The following ATF6 variants were observed in gnomAD, a reference collection of about 807,000 sequenced individuals.
The protein encoded by ATF6 is cyclic AMP-dependent transcription factor ATF-6 alpha.
In ATF6, 53 loss-of-function variants were observed where a neutral mutation model predicts 83.6. The observed-to-expected ratio is 0.63, with a 90% CI of 0.51 to 0.80. The LOEUF (loss-of-function observed/expected upper bound fraction) is 0.80. ATF6 is among the 30% of genes least tolerant of loss of function. The pLI, the probability that ATF6 is intolerant of heterozygous loss-of-function variation, is 0.00. For missense variants in ATF6, 744 were observed against 797.9 expected (o/e 0.93, Z 0.81); for synonymous variants, 288 against 285.8 (o/e 1.01, Z -0.08).
At chr1:161,941,658 A>G (rs1165280812) in intron 15 of ATF6, among the ~76,000 whole-genome samples, 1 of 152,212 alleles carries the variant, frequency 6.6e-6, no homozygotes, top group Non-Finnish European at 1.5e-5. Flanking sequence ...AAAAGCCCCA[A>G]GGTTTTTATT....
chr1:161,940,946 G>A (rs1376459824), intron 15 of ATF6, among the ~76,000 whole-genome samples: 8 of 152,098 alleles, frequency 5.3e-5, no homozygotes, highest in Admixed American at 3.9e-4. Context: ...ATGCATACCC[G>A]TATCACACCT....
Position 161,851,660 on chromosome 1 carries a change from T to C in ATF6, c.1320-62T>C. 3.5e-6 allele frequency: 4 copies of C among 1,151,682 alleles called. No homozygotes were observed. In the South Asian group the frequency reaches 5.4e-5, roughly 16 times the overall value. The allele number at this position is 1,151,682 out of a possible 1,614,324, so 71.3% of individuals were successfully genotyped here. A position where few individuals can be genotyped will look rare whatever the true frequency, so the allele number is the denominator to read the frequency against. ...AAGTTAACACTAATGATGATTTTCTTATAGCAAACTTCTTAGGAATTTAAG... is the reference window on the plus strand; with the variant it reads ...AAGTTAACACTAATGATGATTTTCTCATAGCAAACTTCTTAGGAATTTAAG... On this transcript the variant is annotated intron_variant, in intron 10 of 15. Transcript: ENST00000367942.
intron 14 of ATF6, among the ~76,000 whole-genome samples, chr1:161,880,311 T>G (rs559824974): frequency 6.6e-6 from 1 of 151,102 alleles, no homozygotes; most frequent in South Asian, 2.1e-4. Context: ...TAACACCACA[T>G]TTTATGTGTG....
intron 6 of ATF6, among the ~76,000 whole-genome samples, chr1:161,793,126 C>T (rs1031216306): frequency 6.6e-6 from 1 of 152,162 alleles, no homozygotes; most frequent in African/African-American, 2.4e-5. Flanking sequence ...TACATTTGTA[C>T]TGTATCTCCA....
At chr1:161,805,286 G>T (rs1685251840) in intron 7 of ATF6, among the ~76,000 whole-genome samples, 1 of 151,940 alleles carries the variant, frequency 6.6e-6, no homozygotes, top group African/African-American at 2.4e-5. Flanking sequence ...GCCCCCTTAA[G>T]AGTACAAAAG....
intron 15 of ATF6, among the ~76,000 whole-genome samples, chr1:161,933,097 C>G (rs1017172125): frequency 6.6e-6 from 1 of 152,140 alleles, no homozygotes; most frequent in African/African-American, 2.4e-5. Context: ...TTATGTTCAG[C>G]CCACTCTCTA....
intron 15 of ATF6, among the ~76,000 whole-genome samples, chr1:161,936,567 T>C (rs971522134): frequency 6.6e-6 from 1 of 152,242 alleles, no homozygotes; most frequent in African/African-American, 2.4e-5. Context: ...TTTTACATTT[T>C]GACATATTAA....
intron 15 of ATF6, among the ~76,000 whole-genome samples, chr1:161,945,487 A>G (rs1251618160): frequency 1.3e-5 from 2 of 152,220 alleles, no homozygotes; most frequent in African/African-American, 2.4e-5. Context: ...ATGCCAGTCC[A>G]GTATGTTTGG....
At chr1:161,939,286 G>A (rs990577153) in intron 15 of ATF6, among the ~76,000 whole-genome samples, 4 of 152,036 alleles carry the variant, frequency 2.6e-5, no homozygotes, top group African/African-American at 9.7e-5. Context: ...ATATCCCAAG[G>A]CCTAGACCCT....
chr1:161,912,120 A>G (rs1370804231), intron 14 of ATF6, among the ~76,000 whole-genome samples, 176 bp from the exon 15 acceptor site: 4 of 152,220 alleles, frequency 2.6e-5, no homozygotes, highest in South Asian at 4.1e-4. Context: ...AATGTGTATT[A>G]CATTAATGAA....
At chr1:161,884,028 A>G (rs1687370516) in intron 14 of ATF6, among the ~76,000 whole-genome samples, 1 of 152,080 alleles carries the variant, frequency 6.6e-6, no homozygotes, top group Non-Finnish European at 1.5e-5. Flanking sequence ...GAAATGGTCA[A>G]CAGAATTTCT....
chr1:161,797,188 C>T (rs1436197767), intron 6 of ATF6, among the ~76,000 whole-genome samples: 1 of 152,130 alleles, frequency 6.6e-6, no homozygotes, highest in Non-Finnish European at 1.5e-5. Flanking sequence ...TAAGAACCAT[C>T]TATAGCAAGT....
intron 9 of ATF6, among the ~76,000 whole-genome samples, chr1:161,842,945 A>G (rs1443910979): frequency 6.6e-6 from 1 of 152,186 alleles, no homozygotes; most frequent in Non-Finnish European, 1.5e-5. Flanking sequence ...ATTTATTGTC[A>G]TGCACTTGTA....
intron 14 of ATF6, among the ~76,000 whole-genome samples, chr1:161,866,123 CAGA>C (rs1054349415): frequency 3.3e-5 from 5 of 152,234 alleles, no homozygotes; most frequent in Admixed American, 6.5e-5. Flanking sequence ...ATTGGAAATT[CAGA>C]AGAAGATTCC....
intron 7 of ATF6, among the ~76,000 whole-genome samples, chr1:161,813,888 CTT>C (rs879715945): frequency 5.6e-5 from 8 of 142,942 alleles, no homozygotes; most frequent in Non-Finnish European, 3.1e-5. Flanking sequence ...TCTTTTCTTT[CTT>C]TTTTTTTTTT....
At chr1:161,818,103 A>T (rs1446140140) in intron 7 of ATF6, among the ~76,000 whole-genome samples, 1 of 150,448 alleles carries the variant, frequency 6.6e-6, no homozygotes, top group Non-Finnish European at 1.5e-5. Context: ...TCCATCTCAA[A>T]AAAAAAAAAA....
At position 161,870,612 on chromosome 1, in the gene ATF6, T is replaced by C. The variant is rs1687101646; in HGVS notation, c.1719+7300T>C. Among the ~76,000 whole-genome samples, 3 of 151,962 alleles carry C rather than the reference T, an allele frequency of 2.0e-5. No individual in the cohort carries two copies. The South Asian group carries it at 6.2e-4, about 31-fold the overall frequency. ...ATTTGATCTCAAACTCCTTGTTAAA[T>C]GTGAGTTACTGTTGTGTGGTTTTAG... On this transcript the variant is annotated intron_variant, in intron 14 of 15. Coordinates refer to ENST00000367942, the MANE Select transcript of ATF6 (RefSeq NM_007348.4).
chr1:161,816,030 C>T (rs1685603050), intron 7 of ATF6, among the ~76,000 whole-genome samples: 1 of 152,210 alleles, frequency 6.6e-6, no homozygotes, highest in South Asian at 2.1e-4. Flanking sequence ...AGGAACTTGT[C>T]CATTTGTGAA....
chr1:161,946,776 A>G (rs1688756514), intron 15 of ATF6, among the ~76,000 whole-genome samples: 1 of 152,202 alleles, frequency 6.6e-6, no homozygotes. Context: ...CCAACAAAAA[A>G]TTGCTGATTT....
Sources: gnomAD v4.1 joint callset for allele counts (sites outside exome capture counted in the v4.1 genomes callset) on GRCh38, gnomAD v4.1.1 for gene constraint, MANE v1.5 for transcripts, NCBI Gene and HGNC (gene_info 2026-07-23, HGNC 2026-07-21) for gene names.